Variants in PSME3 observed in about 807,000 individuals in gnomAD.
The protein encoded by PSME3 is proteasome activator complex subunit 3.
In PSME3, 7 loss-of-function variants were observed where a neutral mutation model predicts 38.3. That is an observed-to-expected ratio of 0.18 (90% CI 0.10 to 0.34). The LOEUF is 0.34. PSME3 is among the 10% of genes least tolerant of loss of function. PSME3 has a pLI of 1.00. For missense variants in PSME3, 192 were observed against 307.6 expected, an observed-to-expected ratio of 0.62 and a Z score of 2.81; for synonymous variants, 108 against 105.7, an observed-to-expected ratio of 1.02 and a Z score of -0.13.
intron 6 of PSME3, among the ~76,000 whole-genome samples, 183 bp downstream of exon 6, chr17:42,838,388 A>T (rs1597954616): frequency 6.6e-6 from 1 of 152,018 alleles, no homozygotes; most frequent in Non-Finnish European, 1.5e-5. Context: ...GCTCACTGCA[A>T]CCTCTGCCTC....
rs1389712225 is a variant in PSME3, at chr17:42,839,304, G to A, written c.608G>A (p.Arg203His). Residue 203 changes from arginine (R) to histidine (H), a missense_variant, in exon 10 of 11, where the codon CGC becomes CAC. Physicochemically the swap from Arg to His is conservative, Grantham distance 29 (BLOSUM62 0). This residue lies in a region of PSME3 where 82 missense variants were observed against 168.2 expected (regional missense o/e 0.49). Transcript: ENST00000590720. ...IAKYPHVEDY[R>H]RTVTEIDEKE... The stretch of plus-strand genomic sequence containing the variant: ...GTACCCTCCTTGCAGGAGGACTATC[G>A]CCGCACCGTGACAGAGATTGATGAG... 9 of 1,613,562 alleles carry A rather than the reference G, an allele frequency of 5.6e-6. No homozygotes were observed. The highest frequency in any genetic ancestry group is 1.1e-5 in the South Asian group (1 of 91,060).
Position 42,833,457 on chromosome 17 carries a change from G to C in PSME3, c.-175G>C. 1 of 704,736 alleles carries C rather than the reference G, an allele frequency of 1.4e-6. No homozygotes were observed. The highest frequency in any genetic ancestry group is 1.8e-5 in the South Asian group (1 of 54,202). The allele number at this position is 704,736 out of a possible 1,614,324, so 43.7% of individuals were successfully genotyped here. Reference sequence around the variant, plus strand: ...CGAGCGAGAGAGCAAGCAGGCAGCAGGCTGCCGGCGGGCGGGCGGACGGCA... The same window carrying C: ...CGAGCGAGAGAGCAAGCAGGCAGCACGCTGCCGGCGGGCGGGCGGACGGCA... On this transcript the variant is annotated 5_prime_UTR_variant, in exon 1 of 11. Coordinates refer to ENST00000590720, the MANE Select transcript of PSME3 (RefSeq NM_005789.4).
chr17:42,834,926 C>T, intron 4 of PSME3, 50 bp downstream of exon 4: 1 of 1,606,000 alleles, frequency 6.2e-7, no homozygotes, highest in Non-Finnish European at 8.5e-7. Flanking sequence ...GGTCCTCTGT[C>T]CTCTGTTTCC....
intron 6 of PSME3, among the ~76,000 whole-genome samples, 163 bp downstream of exon 6, chr17:42,838,368 C>T (rs1245731631): frequency 5.3e-5 from 8 of 151,954 alleles, no homozygotes; most frequent in East Asian, 3.9e-4. Context: ...AGTGCAGTGG[C>T]GCCATCTCGG....
chr17:42,834,875 G>T lies in PSME3; in HGVS notation c.242G>T (p.Gly81Val). Residue 81 changes from glycine to valine, a missense_variant and splice_region_variant, in exon 4 of 11, where the codon GGT becomes GTT. Around this residue, in one of 2 missense-constraint regions of PSME3, gnomAD observed 110 missense variants for 139.3 expected, o/e 0.79. Coordinates refer to ENST00000590720, the MANE Select transcript of PSME3 (RefSeq NM_005789.4). The part of the protein sequence containing the change: ...LLTNSHDGLD[G>V]PTYKKRRLDE... ...ACCAATAGCCATGATGGACTGGATGGTGTAAGTGTCCTATATTTATCTTTG... is the reference window on the plus strand; with the variant it reads ...ACCAATAGCCATGATGGACTGGATGTTGTAAGTGTCCTATATTTATCTTTG... 6.2e-7 allele frequency: 1 copy of T among 1,613,662 alleles called. No homozygotes were observed. Among genetic ancestry groups the T allele is most frequent in the East Asian group, 2.2e-5 (1 of 44,862 alleles).
At chr17:42,839,802 G>C (rs1264387897) in intron 10 of PSME3, among the ~76,000 whole-genome samples, 10 of 152,132 alleles carry the variant, frequency 6.6e-5, no homozygotes, top group Non-Finnish European at 1.5e-4. Context: ...TTCGAGACCA[G>C]CCTGATCAAC....
At position 42,841,726 on chromosome 17, in the gene PSME3, C is replaced by A; in HGVS notation, c.*148C>A. The A allele has an allele frequency of 1.9e-6, 1 of 540,132 alleles. No individual in the cohort carries two copies. Among genetic ancestry groups the A allele is most frequent in the Non-Finnish European group, 3.2e-6 (1 of 313,162 alleles). The allele number at this position is 540,132 out of a possible 1,614,324, so 33.5% of individuals were successfully genotyped here. A position where few individuals can be genotyped will look rare whatever the true frequency, so the allele number is the denominator to read the frequency against. On this transcript the variant is annotated 3_prime_UTR_variant, in exon 11 of 11. Coordinates refer to ENST00000590720, the MANE Select transcript of PSME3 (RefSeq NM_005789.4). ...AGTTAGAGTCTAATGAAACTCTCAT[C>A]TAGTTCTGTGATGTGTTTACCTCTT...
chr17:42,839,236 A>C, intron 9 of PSME3, 58 bp from the exon 10 acceptor site: 2 of 1,568,728 alleles, frequency 1.3e-6, no homozygotes, highest in South Asian at 2.2e-5. Flanking sequence ...ACTGGGAAGG[A>C]GCTGTCTGGA....
rs2144262370 is a variant in PSME3, at chr17:42,842,199, C to T, written c.*621C>T. On this transcript the variant is annotated 3_prime_UTR_variant, in exon 11 of 11. Transcript: ENST00000590720. ...CAGTTGTTTTTATAATGGGCGTTTT[C>T]ACATGCACATATGTGTATGCATGTA... 1 of 152,642 alleles carries T rather than the reference C, an allele frequency of 6.6e-6. No homozygotes were observed. The highest frequency in any genetic ancestry group is 1.9e-4 in the East Asian group (1 of 5,330). 9.5% of individuals were successfully genotyped at this position (152,642 alleles called of 1,614,324 possible).
Position 42,833,447 on chromosome 17 carries a change from G to C in PSME3, c.-185G>C, listed in dbSNP as rs758335096. ...GCCGGGAGGGCGAGCGAGAGAGCAA[G>C]CAGGCAGCAGGCTGCCGGCGGGCGG... On this transcript the variant is annotated 5_prime_UTR_variant, in exon 1 of 11. Coordinates refer to ENST00000590720, the MANE Select transcript of PSME3 (RefSeq NM_005789.4). 1 of 659,294 alleles carries C rather than the reference G, an allele frequency of 1.5e-6. No homozygotes were observed. Among genetic ancestry groups the C allele is most frequent in the Non-Finnish European group, 2.6e-6 (1 of 384,740 alleles). 40.8% of individuals were successfully genotyped at this position (659,294 alleles called of 1,614,324 possible).
At position 42,833,413 on chromosome 17, in the gene PSME3, G is replaced by A. The variant is rs1298316875; in HGVS notation, c.-219G>A. The A allele has an allele frequency of 1.5e-5, 9 of 604,274 alleles. No homozygotes were observed. The highest frequency in any genetic ancestry group is 3.0e-5 in the Admixed American group (1 of 33,778). The allele number at this position is 604,274 out of a possible 1,614,324, so 37.4% of individuals were successfully genotyped here. On this transcript the variant is annotated 5_prime_UTR_variant, in exon 1 of 11. Transcript: ENST00000590720. ...GGCTGTGACGCAGTTTCCGGCGTGA[G>A]CGGCGAAAGCCGGGAGGGCGAGCGA...
chr17:42,835,816 G>A (rs1458706899), intron 4 of PSME3, among the ~76,000 whole-genome samples: 2 of 151,958 alleles, frequency 1.3e-5, no homozygotes, highest in African/African-American at 4.8e-5. Flanking sequence ...TGCATGTCTT[G>A]AGTAGTGTTA....
intron 4 of PSME3, 78 bp from the exon 5 acceptor site, chr17:42,837,571 A>C: frequency 1.4e-6 from 2 of 1,392,960 alleles, no homozygotes; most frequent in South Asian, 1.2e-5. Context: ...GGAAGGGATT[A>C]AACTTGCTTG....
In PSME3 at chr17:42,843,552, G is replaced by GT. The variant is rs2055560253; in HGVS notation, c.*1975dup. On this transcript the variant is annotated 3_prime_UTR_variant, in exon 11 of 11. Coordinates refer to ENST00000590720, the MANE Select transcript of PSME3 (RefSeq NM_005789.4). ...CCCGAGTGATACCCATGAACTGCCA[G>GT]TAGAGGCTGCTATCGTTCCATGTGT... 6.6e-6 allele frequency: 1 copy of GT among 152,342 alleles called. No homozygotes were observed. Among genetic ancestry groups the GT allele is most frequent in the South Asian group, 2.1e-4 (1 of 4,826 alleles). The allele number at this position is 152,342 out of a possible 1,614,324, so 9.4% of individuals were successfully genotyped here.
chr17:42,840,844 A>C (rs79153921), intron 10 of PSME3, among the ~76,000 whole-genome samples: 2,077 of 152,264 alleles, frequency 0.014, 50 homozygotes, highest in African/African-American at 0.048. Context: ...TTAAAATTAC[A>C]GTAAGTTGGC....
intron 10 of PSME3, among the ~76,000 whole-genome samples, chr17:42,839,677 C>G (rs2144255022): frequency 6.6e-6 from 1 of 152,232 alleles, no homozygotes; most frequent in African/African-American, 2.4e-5. Context: ...GCAAATTGTT[C>G]AAGCTTAAAC....
At chr17:42,838,242 A>G (rs758505956) in intron 6 of PSME3, 37 bp downstream of exon 6, 8 of 1,612,290 alleles carry the variant, frequency 5.0e-6, no homozygotes, top group South Asian at 3.3e-5. Context: ...GCCGGCCCCA[A>G]GTACCCCACC....
rs775404687 is a variant in PSME3, at chr17:42,834,390, A to G, written c.75+14A>G. On this transcript the variant is annotated intron_variant, in intron 2 of 10. Coordinates refer to ENST00000590720, the MANE Select transcript of PSME3 (RefSeq NM_005789.4). ...ATCACAAGTGAGGTGAGTGAAATAA[A>G]TAGAAAAATGGTTGTTGGTTGAGAA... 1 of 1,613,968 alleles carries G rather than the reference A, an allele frequency of 6.2e-7. No individual in the cohort carries two copies. The highest frequency in any genetic ancestry group is 1.1e-5 in the South Asian group (1 of 91,066).
At chr17:42,838,660 A>T in intron 6 of PSME3, 71 bp from the exon 7 acceptor site, 1 of 1,407,628 alleles carries the variant, frequency 7.1e-7, no homozygotes, top group Non-Finnish European at 1.0e-6. Context: ...ATCTGGCTCC[A>T]GCCGTCTGAA....
Sources: gnomAD v4.1 joint callset for allele counts (sites outside exome capture counted in the v4.1 genomes callset) on GRCh38, gnomAD v4.1.1 for gene constraint, gnomAD v4.1.1 regional missense constraint, MANE v1.5 for transcripts, NCBI Gene and HGNC (gene_info 2026-07-23, HGNC 2026-07-21) for gene names.